Variants in HCN1 observed in about 807,000 individuals in gnomAD.
HCN1 encodes the protein potassium/sodium hyperpolarization-activated cyclic nucleotide-gated channel 1.
A neutral mutation model predicts 78.9 loss-of-function variants in HCN1; 13 were observed. The observed-to-expected ratio is 0.16, with a 90% CI of 0.11 to 0.26. The LOEUF (loss-of-function observed/expected upper bound fraction) is 0.26, where lower values mean the gene tolerates loss of function less well. Ranked by LOEUF, HCN1 falls within the 10% of genes least tolerant of loss-of-function variation. The pLI is 1.00. For missense variants in HCN1, 810 were observed against 1,154.3 expected (o/e 0.70, Z 4.32); for synonymous variants, 552 against 455.5 (o/e 1.21, Z -2.70).
At chr5:45,301,781 C>T (rs1451203623) in intron 6 of HCN1, among the ~76,000 whole-genome samples, 3 of 149,544 alleles carry the variant, frequency 2.0e-5, no homozygotes, top group African/African-American at 4.9e-5. Context: ...GTGTAAAACC[C>T]GCTTACAGAA....
intron 3 of HCN1, among the ~76,000 whole-genome samples, chr5:45,441,191 T>C (rs1354060382): frequency 6.6e-6 from 1 of 152,214 alleles, no homozygotes; most frequent in Non-Finnish European, 1.5e-5. Flanking sequence ...TTTGTGCTGC[T>C]TGACATATTT....
chr5:45,374,004 T>C (rs1463092557), intron 4 of HCN1, among the ~76,000 whole-genome samples: 3 of 74,350 alleles, frequency 4.0e-5, no homozygotes, highest in African/African-American at 7.3e-5. Flanking sequence ...ATATATATTA[T>C]ATACATAATA....
At chr5:45,330,732 A>G (rs569356363) in intron 5 of HCN1, among the ~76,000 whole-genome samples, 55 of 151,200 alleles carry the variant, frequency 3.6e-4, no homozygotes, top group Non-Finnish European at 7.1e-4. Context: ...AGATTGTTTC[A>G]TAAGTATCAA....
intron 4 of HCN1, among the ~76,000 whole-genome samples, chr5:45,383,540 C>T (rs1475510401): frequency 6.6e-6 from 1 of 151,968 alleles, no homozygotes; most frequent in Non-Finnish European, 1.5e-5. Context: ...ACTAAAACTA[C>T]AAAAATTAGC....
chr5:45,485,715 G>A (rs563474697), intron 2 of HCN1, among the ~76,000 whole-genome samples: 5 of 152,208 alleles, frequency 3.3e-5, no homozygotes, highest in Non-Finnish European at 7.4e-5. Flanking sequence ...TAGTACGATC[G>A]TTCTTAGCCT....
chr5:45,489,755 T>C (rs918464381), intron 2 of HCN1, among the ~76,000 whole-genome samples: 2 of 152,166 alleles, frequency 1.3e-5, no homozygotes, highest in East Asian at 1.9e-4. Context: ...TCCTGGTCTA[T>C]AGAAGCTTCA....
At chr5:45,265,717 C>T (rs1744842817) in intron 7 of HCN1, among the ~76,000 whole-genome samples, 2 of 152,152 alleles carry the variant, frequency 1.3e-5, no homozygotes, top group African/African-American at 4.8e-5. Context: ...CAAGTGATCC[C>T]AGCCCCATCT....
At chr5:45,398,820 G>A (rs1243905645) in intron 3 of HCN1, among the ~76,000 whole-genome samples, 6 of 152,104 alleles carry the variant, frequency 3.9e-5, no homozygotes, top group Non-Finnish European at 8.8e-5. Context: ...TCAAATGTGA[G>A]TCTTAAATTT....
chr5:45,646,302 A>G (rs1269931264), intron 1 of HCN1, among the ~76,000 whole-genome samples: 3 of 151,064 alleles, frequency 2.0e-5, no homozygotes, highest in African/African-American at 7.3e-5. Context: ...TTTTATTACT[A>G]CTCTATTGAA....
intron 4 of HCN1, among the ~76,000 whole-genome samples, chr5:45,377,821 G>A (rs1001204135): frequency 6.6e-6 from 1 of 151,898 alleles, no homozygotes; most frequent in Non-Finnish European, 1.5e-5. Context: ...GTGGAAGAAA[G>A]CCTCCCAAGA....
rs1452052434 is a variant in HCN1, at chr5:45,256,456, T to C, written c.*5465A>G. 3 of 151,932 alleles carry C rather than the reference T, an allele frequency of 2.0e-5. No individual in the cohort carries two copies. The highest frequency in any genetic ancestry group is 7.3e-5 in the African/African-American group (3 of 41,378). The allele number at this position is 151,932 out of a possible 1,614,324, so 9.4% of individuals were successfully genotyped here. A position where few individuals can be genotyped will look rare whatever the true frequency, so the allele number is the denominator to read the frequency against. On this transcript the variant is annotated 3_prime_UTR_variant, in exon 8 of 8. Transcript: ENST00000303230. ...TTAGAAATATAATAGCTCCAAAGAA[T>C]GTTCACCTTTGCCACTCTTTGGAGC...
At chr5:45,683,940 G>C (rs1160571666) in intron 1 of HCN1, among the ~76,000 whole-genome samples, 1 of 151,784 alleles carries the variant, frequency 6.6e-6, no homozygotes, top group South Asian at 2.1e-4. Flanking sequence ...CAAAGTGCTA[G>C]GATTACAGGC....
At chr5:45,481,426 G>T (rs1188348174) in intron 2 of HCN1, among the ~76,000 whole-genome samples, 1 of 152,120 alleles carries the variant, frequency 6.6e-6, no homozygotes. Context: ...AACTAAGAAG[G>T]CAATGGATGC....
intron 7 of HCN1, among the ~76,000 whole-genome samples, chr5:45,263,679 GT>G (rs1744794885): frequency 1.3e-5 from 2 of 152,112 alleles, no homozygotes; most frequent in African/African-American, 2.4e-5. Flanking sequence ...ACATCCACTT[GT>G]TCCCTACCAA....
intron 3 of HCN1, among the ~76,000 whole-genome samples, chr5:45,401,601 T>G (rs928661139): frequency 1.3e-5 from 2 of 151,804 alleles, no homozygotes; most frequent in Non-Finnish European, 2.9e-5. Flanking sequence ...GAATGTTTTT[T>G]CAGATTATTT....
intron 1 of HCN1, among the ~76,000 whole-genome samples, chr5:45,684,278 T>A (rs1198955776): frequency 2.0e-5 from 3 of 152,194 alleles, no homozygotes; most frequent in African/African-American, 7.2e-5. Context: ...ATTAGTATAA[T>A]CAGTAATTAT....
At chr5:45,646,036 C>A (rs887067307) in intron 1 of HCN1, among the ~76,000 whole-genome samples, 1 of 151,518 alleles carries the variant, frequency 6.6e-6, no homozygotes, top group African/African-American at 2.4e-5. Context: ...GTCAATTTAC[C>A]AATCATAGAT....
chr5:45,407,862 C>T (rs2112052601), intron 3 of HCN1, among the ~76,000 whole-genome samples: 1 of 152,184 alleles, frequency 6.6e-6, no homozygotes, highest in East Asian at 1.9e-4. Flanking sequence ...TGCTACTGCT[C>T]CTGAAGACAT....
chr5:45,311,852 C>A (rs1245904950), intron 5 of HCN1, among the ~76,000 whole-genome samples: 1 of 152,214 alleles, frequency 6.6e-6, no homozygotes, highest in Non-Finnish European at 1.5e-5. Context: ...AATTTTCACC[C>A]TCAAAGTTCA....
Sources: gnomAD v4.1 joint callset for allele counts (sites outside exome capture counted in the v4.1 genomes callset) on GRCh38, gnomAD v4.1.1 for gene constraint, MANE v1.5 for transcripts, NCBI Gene and HGNC (gene_info 2026-07-23, HGNC 2026-07-21) for gene names.